RGPD2: variants seen among roughly 807,000 people sequenced by gnomAD.
RGPD2 encodes the protein RANBP2-like and GRIP domain-containing protein 2.
Under a neutral mutation model 36.0 loss-of-function variants are expected in RGPD2, and 2 were observed. The ratio of observed to expected loss-of-function variants is 0.06; its 90% CI spans 0.02 to 0.17. The LOEUF is 0.17. RGPD2 is among the 10% of genes least tolerant of loss of function. RGPD2 has a pLI of 1.00. For missense variants in RGPD2, 40 were observed against 464.3 expected (o/e 0.09, Z 8.40); for synonymous variants, 19 against 163.8 (o/e 0.12, Z 6.75).
the RGPD2 span, among the ~76,000 whole-genome samples, chr2:87,860,783 A>T: frequency 9.6e-4 from 146 of 152,268 alleles, 1 homozygote; most frequent in South Asian, 0.029. Context: ...TGTTTATCTC[A>T]TAGGGATCTT....
the RGPD2 span, among the ~76,000 whole-genome samples, chr2:87,915,359 ATATATAT>A: frequency 5.4e-5 from 4 of 73,572 alleles, no homozygotes; most frequent in African/African-American, 1.8e-4. Flanking sequence ...TATATATATT[ATATATAT>A]ATGTATATTA....
the RGPD2 span, among the ~76,000 whole-genome samples, chr2:87,922,876 C>T: frequency 6.6e-6 from 1 of 152,138 alleles, no homozygotes; most frequent in Non-Finnish European, 1.5e-5. Flanking sequence ...AATCTGATCC[C>T]AATGCATCTG....
At chr2:87,829,374 C>CT (rs1162916156), upstream of RGPD2, among the ~76,000 whole-genome samples, 4 of 136,848 alleles carry the variant, frequency 2.9e-5, no homozygotes, top group Non-Finnish European at 6.3e-5. Flanking sequence ...AATCTGTTTT[C>CT]TTGTTGGGAA....
chr2:87,938,345 T>C, the RGPD2 span, among the ~76,000 whole-genome samples: 1 of 151,584 alleles, frequency 6.6e-6, no homozygotes, highest in Non-Finnish European at 1.5e-5. Flanking sequence ...TGAGCCTTAA[T>C]GTCACAAAAT....
chr2:87,987,972 C>T, the RGPD2 span, among the ~76,000 whole-genome samples: 4 of 147,436 alleles, frequency 2.7e-5, no homozygotes, highest in African/African-American at 7.5e-5. Context: ...AGGTACCTGG[C>T]CTTGTGATTA....
the RGPD2 span, chr2:87,985,746 C>T: frequency 7.4e-5 from 119 of 1,603,368 alleles, no homozygotes; most frequent in East Asian, 5.1e-4. Context: ...CCATGCTAAG[C>T]GGTCTGTGTT....
At chr2:87,883,231 T>C in the RGPD2 span, among the ~76,000 whole-genome samples, 1 of 151,740 alleles carries the variant, frequency 6.6e-6, no homozygotes, top group African/African-American at 2.4e-5. Context: ...AATTCAATTA[T>C]TCTAAACTTG....
chr2:87,940,170 A>G, the RGPD2 span, among the ~76,000 whole-genome samples: 1 of 152,048 alleles, frequency 6.6e-6, no homozygotes, highest in East Asian at 1.9e-4. Flanking sequence ...TTCAAAAGCA[A>G]TATAATTTCT....
At chr2:87,964,817 T>TTATTTA in the RGPD2 span, among the ~76,000 whole-genome samples, 2 of 79,318 alleles carry the variant, frequency 2.5e-5, no homozygotes, top group African/African-American at 7.5e-5. Context: ...ATTTATTTAT[T>TTATTTA]TTTCTTTTTG....
chr2:87,861,374 G>T, the RGPD2 span, among the ~76,000 whole-genome samples: 36 of 152,026 alleles, frequency 2.4e-4, no homozygotes, highest in African/African-American at 8.4e-4. Context: ...TAAGCAACTG[G>T]TTTGACATGC....
chr2:87,824,803 CGCCGCCGCCCGGCCAGGCCGAG>C (rs1686599412), intron 1 of RGPD2: 7 of 123,870 alleles, frequency 5.7e-5, no homozygotes, highest in African/African-American at 1.8e-4. Context: ...AGGCCGCCGC[CGCCGCCGCCCGGCCAGGCCGAG>C]GCCGCCGCCG....
chr2:87,979,241 C>CAAAAAA, the RGPD2 span, among the ~76,000 whole-genome samples: 2 of 131,556 alleles, frequency 1.5e-5, no homozygotes, highest in African/African-American at 2.8e-5. Flanking sequence ...CCCCCTCCCC[C>CAAAAAA]AAAAAAAGAA....
the RGPD2 span, among the ~76,000 whole-genome samples, chr2:87,870,274 G>C: frequency 6.6e-6 from 1 of 152,262 alleles, no homozygotes; most frequent in Admixed American, 6.5e-5. Flanking sequence ...AGCATGTCTT[G>C]CATGTGCAAT....
chr2:87,948,722 T>A, the RGPD2 span, among the ~76,000 whole-genome samples: 1 of 122,604 alleles, frequency 8.2e-6, no homozygotes, highest in South Asian at 2.9e-4. Context: ...TAATTCATCT[T>A]TCATGTGATG....
the RGPD2 span, among the ~76,000 whole-genome samples, chr2:87,879,191 T>G: frequency 6.6e-6 from 1 of 151,936 alleles, no homozygotes; most frequent in Non-Finnish European, 1.5e-5. Flanking sequence ...GTACATATAT[T>G]TATAGGGTAC....
At chr2:87,870,263 G>A in the RGPD2 span, among the ~76,000 whole-genome samples, 1 of 152,276 alleles carries the variant, frequency 6.6e-6, no homozygotes, top group African/African-American at 2.4e-5. Context: ...GCCAGGTTGG[G>A]AGCATGTCTT....
the RGPD2 span, among the ~76,000 whole-genome samples, chr2:87,952,394 T>C: frequency 6.6e-6 from 1 of 152,134 alleles, no homozygotes; most frequent in Non-Finnish European, 1.5e-5. Flanking sequence ...TTTACAATGA[T>C]AAGCTTAGTC....
chr2:87,915,340 A>ATGTATATTATATATATTGTATAT, the RGPD2 span, among the ~76,000 whole-genome samples: 1 of 109,580 alleles, frequency 9.1e-6, no homozygotes, highest in African/African-American at 4.0e-5. Flanking sequence ...TTGTATATAT[A>ATGTATATTATATATATTGTATAT]ATGTATATTA....
At chr2:87,916,775 C>A in the RGPD2 span, among the ~76,000 whole-genome samples, 1 of 150,806 alleles carries the variant, frequency 6.6e-6, no homozygotes, top group Non-Finnish European at 1.5e-5. Flanking sequence ...CCTGCAGAAC[C>A]ATGAGCCAAT....
Sources: gnomAD v4.1 joint callset for allele counts (sites outside exome capture counted in the v4.1 genomes callset) on GRCh38, gnomAD v4.1.1 for gene constraint, MANE v1.5 for transcripts, NCBI Gene and HGNC (gene_info 2026-07-23, HGNC 2026-07-21) for gene names.